Variants in PEX14 observed in about 807,000 individuals in gnomAD.
PEX14 encodes peroxisomal membrane protein PEX14.
In PEX14, 15 loss-of-function variants were observed where a neutral mutation model predicts 49.5. That is an observed-to-expected ratio of 0.30 (90% confidence interval 0.20 to 0.47). The LOEUF (loss-of-function observed/expected upper bound fraction) is 0.47. Ranked by LOEUF, PEX14 falls within the 20% of genes least tolerant of loss-of-function variation. The pLI is 1.00. For missense variants in PEX14, 398 were observed against 494.8 expected, an observed-to-expected ratio of 0.80 and a Z score of 1.86; for synonymous variants, 210 against 212.7, an observed-to-expected ratio of 0.99 and a Z score of 0.11.
At chr1:10,626,067 G>A (rs1476198512) in intron 7 of PEX14, among the ~76,000 whole-genome samples, 1 of 152,168 alleles carries the variant, frequency 6.6e-6, no homozygotes. Flanking sequence ...CTGGAGCACT[G>A]TAAAAAATTA....
At chr1:10,560,993 A>G (rs58788814) in intron 3 of PEX14, among the ~76,000 whole-genome samples, 22,759 of 152,120 alleles carry the variant, frequency 0.15, 2,054 homozygotes, top group South Asian at 0.31. Context: ...CCGAGATTAC[A>G]GGGGTAAGCC....
At position 10,623,910 on chromosome 1, in the gene PEX14, G is replaced by T. The variant is rs1278748861; in HGVS notation, c.488-430G>T. 6.6e-6 allele frequency among the ~76,000 whole-genome samples: 1 copy of T among 152,216 alleles called. No individual in the cohort carries two copies. The highest frequency in any genetic ancestry group is 1.5e-5 in the Non-Finnish European group (1 of 68,038). On this transcript the variant is annotated intron_variant, in intron 6 of 8. Coordinates refer to ENST00000356607, the MANE Select transcript of PEX14 (RefSeq NM_004565.3). The surrounding 1 kb of genome is among the most constrained non-coding windows in gnomAD (Gnocchi z 4.4). The stretch of plus-strand genomic sequence containing the variant: ...GGGAAGGAGCAGTGGGAAACAGGAC[G>T]TGCGGCTTGAGCCACTCCTGGATGT...
chr1:10,517,627 A>T (rs2124447765), intron 2 of PEX14, among the ~76,000 whole-genome samples: 1 of 149,722 alleles, frequency 6.7e-6, no homozygotes, highest in South Asian at 2.1e-4. Flanking sequence ...CTCCAAATTC[A>T]TATTTATTCT....
In PEX14 at chr1:10,624,411, C is replaced by T. The variant is rs1641686156; in HGVS notation, c.559C>T (p.Leu187Phe). The change falls in exon 7 of 9, where the codon CTT becomes TTT. Residue 187 changes from leucine to phenylalanine, a missense_variant. Physicochemically the swap from Leu to Phe is conservative, Grantham distance 22. Coordinates refer to ENST00000356607, the MANE Select transcript of PEX14 (RefSeq NM_004565.3). ...LIQQQQKIQE[L>F]AHELAAAKAT... ...TCAGCAGCAGCAGAAGATCCAGGAG[C>T]TTGCCCACGAGCTGGCCGCTGCCAA... The T allele has an allele frequency of 1.9e-6, 3 of 1,612,814 alleles. No individual in the cohort carries two copies. Among genetic ancestry groups the T allele is most frequent in the African/African-American group, 1.3e-5 (1 of 74,914 alleles).
chr1:10,510,342 T>A (rs1641860674), intron 2 of PEX14, among the ~76,000 whole-genome samples: 1 of 152,254 alleles, frequency 6.6e-6, no homozygotes, highest in Non-Finnish European at 1.5e-5. Context: ...AGGCTGCAGA[T>A]AAATAATTCT....
intron 4 of PEX14, among the ~76,000 whole-genome samples, chr1:10,608,491 G>T (rs913098669): frequency 6.6e-6 from 1 of 151,960 alleles, no homozygotes; most frequent in South Asian, 2.1e-4. Context: ...GTGAAACCCG[G>T]TCTCTACTAA....
In PEX14 at chr1:10,511,311, T is replaced by C. The variant is rs143277295; in HGVS notation, c.84+15990T>C. Among the ~76,000 whole-genome samples the C allele has an allele frequency of 1.4e-3, 212 of 152,350 alleles. 2 individuals carry two copies. Among genetic ancestry groups the C allele is most frequent in the African/African-American group, 4.9e-3 (204 of 41,584 alleles). ...CTCCTTTCTTTTCAGACTTATTTTC[T>C]CTTTCATTACTGTCTCTTTCTCTGT... On this transcript the variant is annotated intron_variant, in intron 2 of 8. Coordinates refer to ENST00000356607, the MANE Select transcript of PEX14 (RefSeq NM_004565.3).
At chr1:10,538,801 C>T (rs1298536763) in intron 3 of PEX14, among the ~76,000 whole-genome samples, 2 of 152,204 alleles carry the variant, frequency 1.3e-5, no homozygotes, top group Non-Finnish European at 2.9e-5. Context: ...GGTTCTGGCA[C>T]CCGTGCTCTT....
Position 10,512,117 on chromosome 1 carries a change from G to A in PEX14, c.84+16796G>A, listed in dbSNP as rs1008780746. ...TGGGACTACAGGCGCCTGCCCCCAC[G>A]CTCGGCTAATTTTGGTATTTTTAGT... On this transcript the variant is annotated intron_variant, in intron 2 of 8. Transcript: ENST00000356607. This position sits in a 1 kb window ranked among gnomAD's most constrained non-coding sequence, Gnocchi z 4.6. Among the ~76,000 whole-genome samples the A allele has an allele frequency of 2.0e-5, 3 of 152,048 alleles. No individual in the cohort carries two copies. The highest frequency in any genetic ancestry group is 4.2e-4 in the South Asian group (2 of 4,818).
At chr1:10,575,753 T>C (rs1338879053) in intron 3 of PEX14, among the ~76,000 whole-genome samples, 6 of 152,218 alleles carry the variant, frequency 3.9e-5, no homozygotes, top group Non-Finnish European at 8.8e-5. Flanking sequence ...AAAAAAATGG[T>C]GACTAGCATT....
intron 4 of PEX14, among the ~76,000 whole-genome samples, chr1:10,604,669 GAGTC>G (rs1455208864): frequency 2.0e-5 from 3 of 152,138 alleles, no homozygotes; most frequent in African/African-American, 7.2e-5. Flanking sequence ...CATGGGATGA[GAGTC>G]AGAGGAAATG....
intron 1 of PEX14, among the ~76,000 whole-genome samples, chr1:10,481,424 A>C (rs1054648989): frequency 6.6e-6 from 1 of 151,736 alleles, no homozygotes; most frequent in Non-Finnish European, 1.5e-5. Context: ...CACCGCGTCC[A>C]GCCTTAAACT....
intron 5 of PEX14, among the ~76,000 whole-genome samples, chr1:10,620,765 C>G (rs1172829841): frequency 3.3e-5 from 5 of 152,244 alleles, no homozygotes; most frequent in Non-Finnish European, 5.9e-5. Context: ...TGCCACTGCA[C>G]TCCAGCGTGG....
At chr1:10,572,236 A>C (rs1017976230) in intron 3 of PEX14, among the ~76,000 whole-genome samples, 1 of 152,194 alleles carries the variant, frequency 6.6e-6, no homozygotes, top group African/African-American at 2.4e-5. Context: ...AAATAAATTA[A>C]CAGGATATGC....
chr1:10,505,622 T>A (rs1215991967), intron 2 of PEX14, among the ~76,000 whole-genome samples: 1 of 151,172 alleles, frequency 6.6e-6, no homozygotes, highest in Admixed American at 6.6e-5. Flanking sequence ...AAGTGAACCT[T>A]CTCTTTAGCC....
chr1:10,581,033 T>C (rs900609423), intron 3 of PEX14, among the ~76,000 whole-genome samples: 24 of 152,130 alleles, frequency 1.6e-4, no homozygotes, highest in African/African-American at 5.3e-4. Context: ...AGGAAGCAGC[T>C]GACACATAAA....
intron 2 of PEX14, among the ~76,000 whole-genome samples, chr1:10,532,976 CT>C (rs1638692812): frequency 6.6e-6 from 1 of 152,138 alleles, no homozygotes; most frequent in Admixed American, 6.5e-5. Context: ...TTTGCAAAAT[CT>C]TCTCCCATCG....
intron 4 of PEX14, among the ~76,000 whole-genome samples, chr1:10,604,042 T>C (rs1046205241): frequency 1.3e-5 from 2 of 152,196 alleles, no homozygotes; most frequent in Admixed American, 1.3e-4. Flanking sequence ...GAGCAAGCAT[T>C]GTTATTGAAT....
chr1:10,542,091 T>TAAA (rs1440574164), intron 3 of PEX14, among the ~76,000 whole-genome samples: 36 of 151,688 alleles, frequency 2.4e-4, no homozygotes, highest in African/African-American at 8.5e-4. Flanking sequence ...AAAAAAAAAT[T>TAAA]TTTTTTACTT....
Sources: allele counts gnomAD v4.1 joint callset (sites outside exome capture counted in the v4.1 genomes callset), GRCh38; gene constraint gnomAD v4.1.1; non-coding constraint Gnocchi (gnomAD v3.1); transcripts MANE v1.5; gene names NCBI Gene and HGNC (gene_info 2026-07-23, HGNC 2026-07-21).